TCF3: variants seen among roughly 807,000 people sequenced by gnomAD.
TCF3 encodes transcription factor 3.
A neutral mutation model predicts 72.3 loss-of-function variants in TCF3; 54 were observed. The observed-to-expected ratio is 0.75, with a 90% CI of 0.60 to 0.94. The LOEUF (loss-of-function observed/expected upper bound fraction) is 0.94, where lower values mean the gene tolerates loss of function less well. TCF3 is among the 40% of genes least tolerant of loss of function. The pLI, the probability that TCF3 is intolerant of heterozygous loss-of-function variation, is 0.00. For missense variants in TCF3, 1,078 were observed against 934.4 expected (o/e 1.15, Z -2.00); for synonymous variants, 525 against 412.6 (o/e 1.27, Z -3.30).
In TCF3 at chr19:1,610,547, C is replaced by A. The variant is rs950989045; in HGVS notation, c.*1160G>T. 3.5e-5 allele frequency: 8 copies of A among 231,566 alleles called. No homozygotes were observed. The highest frequency in any genetic ancestry group is 5.1e-5 in the Non-Finnish European group (6 of 117,184). 14.3% of individuals were successfully genotyped at this position (231,566 alleles called of 1,614,324 possible). A position where few individuals can be genotyped will look rare whatever the true frequency, so the allele number is the denominator to read the frequency against. ...CAGGGTGTCCAGGAGGTCCCCAGCA[C>A]CGGGCTCCAGGGTGTGGTCCCCATG... On this transcript the variant is annotated 3_prime_UTR_variant, in exon 19 of 19. Coordinates refer to ENST00000262965, the MANE Select transcript of TCF3 (RefSeq NM_003200.5).
rs200280261 is a variant in TCF3 at position 1,615,730 on chromosome 19, C to T, written c.1542G>A (p.Ser514=). 49 of 1,613,072 alleles carry T rather than the reference C, an allele frequency of 3.0e-5. No homozygotes were observed. The highest frequency in any genetic ancestry group is 2.3e-4 in the South Asian group (21 of 90,978). The part of the protein sequence containing the change: ...DEENTSAADH[S]EEEKKELKAP... Reference sequence around the variant, plus strand: ...CCTTCAGCTCCTTCTTCTCCTCCTCCGAGTGGTCAGCCGCTGACGTGTTCT... The same window carrying T: ...CCTTCAGCTCCTTCTTCTCCTCCTCTGAGTGGTCAGCCGCTGACGTGTTCT... The change falls in exon 17 of 19, where the codon TCG becomes TCA. Residue 514 remains serine, a synonymous_variant. Coordinates refer to ENST00000262965, the MANE Select transcript of TCF3 (RefSeq NM_003200.5). The surrounding 1 kb of genome is among the most constrained non-coding windows in gnomAD (Gnocchi z 7.3).
Position 1,640,284 on chromosome 19 carries a change from C to T in TCF3, c.145+6071G>A, listed in dbSNP as rs376465148. ...GGCTCGGTGGCTCATGCCTGTAATC[C>T]CAGCACTTTGGGAGGCCGAGGCGGG... On this transcript the variant is annotated intron_variant, in intron 3 of 18. Transcript: ENST00000262965. 1.1e-4 allele frequency among the ~76,000 whole-genome samples: 16 copies of T among 152,218 alleles called. No homozygotes were observed. The East Asian group carries it at 2.5e-3, about 24-fold the overall frequency.
Position 1,619,210 on chromosome 19 carries a change from C to T in TCF3, c.1351G>A (p.Gly451Ser), listed in dbSNP as rs200168957. Reference protein sequence around the residue: ...GLVGGSHPEDGLAGSTSLMHN... With the variant: ...GLVGGSHPEDSLAGSTSLMHN... ...ATGAGGCTGGTGCTGCCTGCGAGGCCGTCCTCGGGGTGGCTGCCTCCAACC... is the reference window on the plus strand; with the variant it reads ...ATGAGGCTGGTGCTGCCTGCGAGGCTGTCCTCGGGGTGGCTGCCTCCAACC... Residue 451 changes from glycine to serine, a missense_variant, in exon 16 of 19, where the codon GGC becomes AGC. Gly to Ser is a moderately conservative substitution (Grantham distance 56, BLOSUM62 0). Coordinates refer to ENST00000262965, the MANE Select transcript of TCF3 (RefSeq NM_003200.5). 108 of 1,598,036 alleles carry T rather than the reference C, an allele frequency of 6.8e-5. 1 individual carries two copies. In the Admixed American group the frequency reaches 7.7e-4, roughly 11 times the overall value.
intron 1 of TCF3, among the ~76,000 whole-genome samples, chr19:1,651,583 G>C (rs1044070587): frequency 6.6e-6 from 1 of 152,170 alleles, no homozygotes; most frequent in African/African-American, 2.4e-5. Context: ...GCGTCCCAAG[G>C]ACTTTGAGAG....
intron 3 of TCF3, among the ~76,000 whole-genome samples, chr19:1,635,332 C>T (rs1207804417): frequency 1.3e-5 from 2 of 152,224 alleles, no homozygotes; most frequent in Non-Finnish European, 2.9e-5. Flanking sequence ...AGCTTCCTTC[C>T]AAGTCTGCTG....
Position 1,612,433 on chromosome 19 carries a change from G to A in TCF3, c.1823-584C>T, listed in dbSNP as rs1385007116. ...CCAGGGACAGCACCTCGTCCGTACT[G>A]CTGGGTCACAGCACCGAGGCCTCTG... On this transcript the variant is annotated intron_variant, in intron 18 of 18. Coordinates refer to ENST00000262965, the MANE Select transcript of TCF3 (RefSeq NM_003200.5). The A allele has an allele frequency of 7.4e-6, 12 of 1,610,762 alleles. No homozygotes were observed. Among genetic ancestry groups the A allele is most frequent in the Non-Finnish European group, 1.0e-5 (12 of 1,177,758 alleles).
chr19:1,611,508 A>G lies in TCF3; in HGVS notation c.*199T>C, dbSNP rs2060982932. 2 of 621,310 alleles carry G rather than the reference A, an allele frequency of 3.2e-6. No individual in the cohort carries two copies. Among genetic ancestry groups the G allele is most frequent in the South Asian group, 5.1e-5 (2 of 39,366 alleles). The allele number at this position is 621,310 out of a possible 1,614,324, so 38.5% of individuals were successfully genotyped here. ...GAGCGAGGCCAGTGAGTGGTAGGCC[A>G]GGGCCCCAGGGAGCTCCTGGACCCA... On this transcript the variant is annotated 3_prime_UTR_variant, in exon 19 of 19. Transcript: ENST00000262965.
intron 3 of TCF3, among the ~76,000 whole-genome samples, chr19:1,635,694 C>T (rs766730057): frequency 2.6e-5 from 4 of 152,124 alleles, no homozygotes; most frequent in Non-Finnish European, 4.4e-5. Flanking sequence ...ACGGGGACCA[C>T]ACTACCAACT....
At chr19:1,640,459 T>TA (rs1209186926) in intron 3 of TCF3, among the ~76,000 whole-genome samples, 41 of 152,340 alleles carry the variant, frequency 2.7e-4, no homozygotes, top group African/African-American at 9.9e-4. Flanking sequence ...TTACACCTAT[T>TA]TCGCTAACCT....
At chr19:1,642,405 G>A (rs957848732) in intron 3 of TCF3, among the ~76,000 whole-genome samples, 1 of 152,222 alleles carries the variant, frequency 6.6e-6, no homozygotes, top group Non-Finnish European at 1.5e-5. Context: ...GTCTGACGCA[G>A]CACCACGGGT....
intron 7 of TCF3, among the ~76,000 whole-genome samples, chr19:1,624,339 T>C (rs1599657072): frequency 6.6e-6 from 1 of 152,096 alleles, no homozygotes; most frequent in African/African-American, 2.4e-5. Context: ...GAGGCTGCAG[T>C]GAGCCGAGAT....
At chr19:1,646,449 C>G (rs1379937385) in intron 2 of TCF3, 22 bp from the exon 3 acceptor site, 1 of 1,499,446 alleles carries the variant, frequency 6.7e-7, no homozygotes, top group African/African-American at 1.4e-5. Flanking sequence ...GGAGGGGAGA[C>G]GTGAGCGGGG....
chr19:1,647,641 T>C (rs1355864895), intron 2 of TCF3, among the ~76,000 whole-genome samples: 14 of 152,196 alleles, frequency 9.2e-5, no homozygotes, highest in Non-Finnish European at 1.3e-4. Context: ...CAGCCTCCCC[T>C]GGACCCAGAC....
At chr19:1,637,647 C>T (rs946609444) in intron 3 of TCF3, among the ~76,000 whole-genome samples, 1 of 152,164 alleles carries the variant, frequency 6.6e-6, no homozygotes, top group Non-Finnish European at 1.5e-5. Flanking sequence ...CGGTGGCTCA[C>T]GCCTGTAATC....
intron 3 of TCF3, among the ~76,000 whole-genome samples, chr19:1,638,637 C>T (rs942856241): frequency 6.6e-6 from 1 of 152,164 alleles, no homozygotes; most frequent in Non-Finnish European, 1.5e-5. Flanking sequence ...GGGGCAGATG[C>T]GATTTCACTT....
At chr19:1,650,895 G>A (rs962151271) in intron 1 of TCF3, 4 of 232,246 alleles carry the variant, frequency 1.7e-5, no homozygotes, top group African/African-American at 8.8e-5. Context: ...ATCCTATGCA[G>A]GGACCAGCAA....
intron 2 of TCF3, among the ~76,000 whole-genome samples, chr19:1,647,945 G>A (rs1304291856): frequency 6.6e-6 from 1 of 152,156 alleles, no homozygotes; most frequent in African/African-American, 2.4e-5. Context: ...CAGGGCCTGG[G>A]GAGCTCGCTT....
chr19:1,639,963 T>C (rs956973415), intron 3 of TCF3, among the ~76,000 whole-genome samples: 7 of 152,030 alleles, frequency 4.6e-5, no homozygotes, highest in African/African-American at 1.7e-4. Context: ...GGAAAATTGA[T>C]CAATTGATCA....
At chr19:1,638,543 T>C (rs1419454267) in intron 3 of TCF3, among the ~76,000 whole-genome samples, 1 of 152,108 alleles carries the variant, frequency 6.6e-6, no homozygotes, top group Non-Finnish European at 1.5e-5. Context: ...TCGGACAATG[T>C]TTTTTAAAAG....
Sources: gnomAD v4.1 joint callset for allele counts (sites outside exome capture counted in the v4.1 genomes callset) on GRCh38, gnomAD v4.1.1 for gene constraint, Gnocchi (gnomAD v3.1) non-coding constraint, MANE v1.5 for transcripts, NCBI Gene and HGNC (gene_info 2026-07-23, HGNC 2026-07-21) for gene names.